The following CACNA2D1 variants were observed in gnomAD, a reference collection of about 807,000 sequenced individuals.
CACNA2D1 encodes the protein calcium voltage-gated channel auxiliary subunit alpha2delta 1.
CACNA2D1 carries 53 observed loss-of-function variants against 171.5 expected under a neutral mutation model. The ratio of observed to expected loss-of-function variants is 0.31; its 90% confidence interval spans 0.25 to 0.39. The LOEUF (loss-of-function observed/expected upper bound fraction) is 0.39, where lower values mean the gene tolerates loss of function less well. CACNA2D1 is among the 10% of genes least tolerant of loss of function. The pLI, the probability that CACNA2D1 is intolerant of heterozygous loss-of-function variation, is 1.00. For missense variants in CACNA2D1, 903 were observed against 1,299.8 expected, an observed-to-expected ratio of 0.69 and a Z score of 4.69; for synonymous variants, 442 against 443.1, an observed-to-expected ratio of 1.00 and a Z score of 0.03.
chr7:81,984,167 G>C (rs1267509630), intron 22 of CACNA2D1, among the ~76,000 whole-genome samples: 1 of 152,202 alleles, frequency 6.6e-6, no homozygotes, highest in Non-Finnish European at 1.5e-5. Context: ...TTTATTCAAA[G>C]TAGAAGAAGA....
At chr7:82,408,552 T>C (rs1472650352) in intron 1 of CACNA2D1, among the ~76,000 whole-genome samples, 2 of 152,184 alleles carry the variant, frequency 1.3e-5, no homozygotes, top group Non-Finnish European at 2.9e-5. Flanking sequence ...AACATAATAA[T>C]AAAGATACAC....
intron 10 of CACNA2D1, among the ~76,000 whole-genome samples, chr7:82,045,225 T>C (rs1001067857): frequency 3.9e-5 from 6 of 152,180 alleles, no homozygotes; most frequent in African/African-American, 2.4e-5. Context: ...TCATAAACAC[T>C]TCCCATTTTT....
At chr7:82,425,899 C>T (rs1829129531) in intron 1 of CACNA2D1, among the ~76,000 whole-genome samples, 1 of 151,106 alleles carries the variant, frequency 6.6e-6, no homozygotes, top group Non-Finnish European at 1.5e-5. Context: ...GAGGCTGAGG[C>T]AGGTGGATCA....
chr7:82,012,794 C>T (rs569960624), intron 14 of CACNA2D1, among the ~76,000 whole-genome samples: 2 of 152,096 alleles, frequency 1.3e-5, no homozygotes, highest in South Asian at 4.2e-4. Context: ...TCCACAAATG[C>T]CATGTTATTT....
chr7:82,188,840 A>G (rs971015791), intron 3 of CACNA2D1, among the ~76,000 whole-genome samples: 1 of 152,134 alleles, frequency 6.6e-6, no homozygotes, highest in African/African-American at 2.4e-5. Flanking sequence ...CGCAGCTACA[A>G]AAAAGAATGA....
rs551538724 is a variant in CACNA2D1, at chr7:82,088,382, A to T, written c.527-3482T>A. Among the ~76,000 whole-genome samples, 5 of 152,300 alleles carry T rather than the reference A, an allele frequency of 3.3e-5. No homozygotes were observed. In the East Asian group the frequency reaches 9.6e-4, roughly 29 times the overall value. On this transcript the variant is annotated intron_variant, in intron 6 of 38. Coordinates refer to ENST00000356860, the MANE Select transcript of CACNA2D1 (RefSeq NM_000722.4). Reference sequence around the variant, plus strand: ...TTTTCAGCAAATATTACTCTAGATTATGAAACTGTATTTTTCATTCATATA... The same window carrying T: ...TTTTCAGCAAATATTACTCTAGATTTTGAAACTGTATTTTTCATTCATATA...
chr7:82,153,149 G>T (rs1453365599), intron 4 of CACNA2D1, among the ~76,000 whole-genome samples: 1 of 150,848 alleles, frequency 6.6e-6, no homozygotes, highest in African/African-American at 2.4e-5. Flanking sequence ...ATGAAAGGCT[G>T]AGACCTTGGC....
intron 16 of CACNA2D1, among the ~76,000 whole-genome samples, chr7:82,006,908 A>G (rs1799176733): frequency 6.6e-6 from 1 of 152,108 alleles, no homozygotes; most frequent in African/African-American, 2.4e-5. Context: ...GAAACCATAA[A>G]CTGGAAATAA....
intron 10 of CACNA2D1, chr7:82,050,772 G>A (rs1805107042): frequency 3.2e-6 from 2 of 632,634 alleles, no homozygotes; most frequent in South Asian, 3.6e-5. Flanking sequence ...CATAATACAT[G>A]ATTACAATAT....
intron 12 of CACNA2D1, among the ~76,000 whole-genome samples, chr7:82,023,039 C>T (rs1801434818): frequency 6.6e-6 from 1 of 151,816 alleles, no homozygotes; most frequent in Admixed American, 6.6e-5. Flanking sequence ...GCTAAGCAGT[C>T]CCTTGGCTAT....
chr7:82,079,377 A>G (rs1809405575), intron 7 of CACNA2D1, among the ~76,000 whole-genome samples: 1 of 152,158 alleles, frequency 6.6e-6, no homozygotes, highest in African/African-American at 2.4e-5. Context: ...ATTCAAGAAT[A>G]TAATTACTGT....
chr7:82,232,508 T>C (rs1318982720), intron 3 of CACNA2D1, among the ~76,000 whole-genome samples: 1 of 152,162 alleles, frequency 6.6e-6, no homozygotes, highest in South Asian at 2.1e-4. Context: ...CTCAGTATCA[T>C]CTAATTTAAT....
At chr7:82,099,522 T>G (rs1371579738) in intron 6 of CACNA2D1, among the ~76,000 whole-genome samples, 1 of 97,190 alleles carries the variant, frequency 1.0e-5, no homozygotes, top group Non-Finnish European at 2.1e-5. Context: ...GGATCTCGGC[T>G]CACTGCAAGC....
intron 1 of CACNA2D1, among the ~76,000 whole-genome samples, chr7:82,367,791 T>C (rs1821912413): frequency 6.6e-6 from 1 of 152,180 alleles, no homozygotes; most frequent in Admixed American, 6.5e-5. Flanking sequence ...GACTTTTTAA[T>C]CCAATAATTT....
intron 5 of CACNA2D1, among the ~76,000 whole-genome samples, chr7:82,119,535 C>T (rs1393767796): frequency 6.6e-6 from 1 of 152,122 alleles, no homozygotes; most frequent in African/African-American, 2.4e-5. Context: ...ACATATTTGT[C>T]TCACCCTTAG....
chr7:82,057,251 C>T (rs543627109), intron 10 of CACNA2D1, among the ~76,000 whole-genome samples: 5 of 152,232 alleles, frequency 3.3e-5, no homozygotes, highest in African/African-American at 1.2e-4. Context: ...AAATGCTACA[C>T]ATCAATTTTC....
intron 6 of CACNA2D1, among the ~76,000 whole-genome samples, chr7:82,103,441 G>A (rs1297473754): frequency 1.3e-5 from 2 of 152,150 alleles, no homozygotes; most frequent in African/African-American, 4.8e-5. Context: ...GGCAGAGAAA[G>A]GAATATTATA....
intron 3 of CACNA2D1, among the ~76,000 whole-genome samples, chr7:82,279,867 A>G (rs1354183904): frequency 6.6e-6 from 1 of 152,148 alleles, no homozygotes; most frequent in Non-Finnish European, 1.5e-5. Context: ...GTGTCTTACC[A>G]CAAGACTAAA....
At chr7:82,412,527 C>T (rs1385642318) in intron 1 of CACNA2D1, among the ~76,000 whole-genome samples, 1 of 151,940 alleles carries the variant, frequency 6.6e-6, no homozygotes, top group African/African-American at 2.4e-5. Context: ...AAGTAATCTG[C>T]CCGCCTCAGC....
Sources: gnomAD v4.1 joint callset for allele counts (sites outside exome capture counted in the v4.1 genomes callset) on GRCh38, gnomAD v4.1.1 for gene constraint, MANE v1.5 for transcripts, NCBI Gene and HGNC (gene_info 2026-07-23, HGNC 2026-07-21) for gene names.